The following SLC14A2 variants were observed in gnomAD, a reference collection of about 807,000 sequenced individuals.
SLC14A2 encodes the protein solute carrier family 14 member 2, also known as urea transporter 2.
In SLC14A2, 91 loss-of-function variants were observed where a neutral mutation model predicts 104.6. That is an observed-to-expected ratio of 0.87 (90% CI 0.73 to 1.04). SLC14A2 has a LOEUF of 1.04. Among genes scored for constraint, SLC14A2 ranks in the 50% least tolerant of loss-of-function variants. SLC14A2 has a pLI of 0.00. For synonymous variants in SLC14A2, 476 were observed against 466.4 expected (o/e 1.02, Z -0.27); for missense variants, 1,189 against 1,156.0 (o/e 1.03, Z -0.41).
chr18:45,664,905 C>T (rs2045990651), intron 11 of SLC14A2, among the ~76,000 whole-genome samples: 1 of 152,104 alleles, frequency 6.6e-6, no homozygotes, highest in South Asian at 2.1e-4. Flanking sequence ...TAAATTCCTC[C>T]TAACATCGTC....
chr18:45,618,669 CAAAAAAAAAAAAAAAAA>C (rs60728655), intron 1 of SLC14A2, among the ~76,000 whole-genome samples: 1 of 50,694 alleles, frequency 2.0e-5, no homozygotes, highest in Non-Finnish European at 3.7e-5. Context: ...AACTCTGTCT[CAAAAAAAAAAAAAAAAA>C]AAAAAAAAAA....
chr18:45,285,718 C>A (rs961753210), intron 1 of SLC14A2, among the ~76,000 whole-genome samples: 4 of 151,288 alleles, frequency 2.6e-5, no homozygotes, highest in Non-Finnish European at 5.9e-5. Flanking sequence ...AGCCACTGCG[C>A]CCAGCCGGAG....
At chr18:45,469,897 T>C (rs1029656742) in intron 1 of SLC14A2, among the ~76,000 whole-genome samples, 5 of 152,170 alleles carry the variant, frequency 3.3e-5, no homozygotes, top group African/African-American at 1.2e-4. Context: ...GCAGCAGATA[T>C]GGGGAGCTAT....
At chr18:45,355,353 A>C (rs1317080040) in intron 1 of SLC14A2, among the ~76,000 whole-genome samples, 4 of 152,024 alleles carry the variant, frequency 2.6e-5, no homozygotes, top group Non-Finnish European at 1.5e-5. Context: ...AGGTGGGTGG[A>C]TCACGAGGGC....
chr18:45,436,590 G>A (rs2086600427), intron 1 of SLC14A2: 1 of 152,216 alleles, frequency 6.6e-6, no homozygotes, highest in South Asian at 2.1e-4. Context: ...TGAAAACAGT[G>A]AACTGACCAG....
intron 2 of SLC14A2, among the ~76,000 whole-genome samples, chr18:45,583,914 T>A (rs1448288510): frequency 6.6e-6 from 1 of 152,254 alleles, no homozygotes; most frequent in Non-Finnish European, 1.5e-5. Context: ...GCAAGCCATA[T>A]GTGTAATTTT....
intron 2 of SLC14A2, among the ~76,000 whole-genome samples, chr18:45,609,125 G>T (rs914041065): frequency 1.3e-5 from 2 of 152,126 alleles, no homozygotes; most frequent in African/African-American, 4.8e-5. Context: ...GGGACAAATG[G>T]CTCAGGAGCA....
intron 10 of SLC14A2, among the ~76,000 whole-genome samples, chr18:45,648,412 A>G (rs2045664254): frequency 2.0e-5 from 3 of 151,864 alleles, no homozygotes; most frequent in South Asian, 4.2e-4. Context: ...TCACCGTGTT[A>G]GCCAGGATGG....
At chr18:45,232,385 G>C (rs2084183272) in intron 1 of SLC14A2, among the ~76,000 whole-genome samples, 1 of 152,152 alleles carries the variant, frequency 6.6e-6, no homozygotes, top group South Asian at 2.1e-4. Flanking sequence ...CCATCCCCAT[G>C]ATCCAGTCTC....
At chr18:45,492,965 C>G (rs1317146459) in intron 2 of SLC14A2, 1 of 152,210 alleles carries the variant, frequency 6.6e-6, no homozygotes, top group Admixed American at 6.5e-5. Context: ...GGATTTGGGT[C>G]TTTGAAACTT....
chr18:45,470,880 C>T (rs995470387), intron 1 of SLC14A2, among the ~76,000 whole-genome samples: 2 of 152,118 alleles, frequency 1.3e-5, no homozygotes, highest in African/African-American at 4.8e-5. Flanking sequence ...CCCTTGGCTA[C>T]CTTCTCATTC....
chr18:45,258,679 T>C (rs2084504941), intron 1 of SLC14A2, among the ~76,000 whole-genome samples: 1 of 143,314 alleles, frequency 7.0e-6, no homozygotes, highest in South Asian at 2.3e-4. Flanking sequence ...CTTTTATTCT[T>C]TGTTATAGTA....
At chr18:45,186,777 G>A in the SLC14A2 span, among the ~76,000 whole-genome samples, 1 of 152,212 alleles carries the variant, frequency 6.6e-6, no homozygotes, top group South Asian at 2.1e-4. Flanking sequence ...AATTGTTGAA[G>A]ACTGGGTGTA....
At chr18:45,298,699 G>T (rs1200208375) in intron 1 of SLC14A2, among the ~76,000 whole-genome samples, 5 of 152,120 alleles carry the variant, frequency 3.3e-5, no homozygotes, top group Non-Finnish European at 7.4e-5. Context: ...TATGAAAATG[G>T]AAAGTTAAAT....
At chr18:45,396,417 A>G (rs2086031224) in intron 1 of SLC14A2, among the ~76,000 whole-genome samples, 1 of 152,098 alleles carries the variant, frequency 6.6e-6, no homozygotes, top group Non-Finnish European at 1.5e-5. Flanking sequence ...TCAATCATTT[A>G]CTCAGATACA....
intron 1 of SLC14A2, among the ~76,000 whole-genome samples, chr18:45,461,088 A>G (rs1052128194): frequency 2.8e-4 from 43 of 152,004 alleles, no homozygotes; most frequent in African/African-American, 9.9e-4. Flanking sequence ...TTGCCCCCCA[A>G]AACTCACTCC....
At chr18:45,468,933 T>G (rs768932329) in intron 1 of SLC14A2, among the ~76,000 whole-genome samples, 1 of 152,210 alleles carries the variant, frequency 6.6e-6, no homozygotes, top group African/African-American at 2.4e-5. Context: ...AGATAAAGCA[T>G]GTACAGTAAA....
Position 45,415,208 on chromosome 18 carries a change from T to TG in SLC14A2, c.-124-68025_-124-68024insG, listed in dbSNP as rs200418478. Among the ~76,000 whole-genome samples, 434 of 152,278 alleles carry TG rather than the reference T, an allele frequency of 2.9e-3. 1 individual carries two copies. Among genetic ancestry groups the TG allele is most frequent in the African/African-American group, 0.01 (416 of 41,572 alleles). On this transcript the variant is annotated intron_variant, in intron 1 of 20. Transcript: ENST00000586448. ...GCTGGAAGCCCCCAAGTCTTGTAGT[T>TG]ACTCTTTACTGCAGACTAGTAAAGA...
At chr18:45,681,991 G>C (rs542898432) in intron 19 of SLC14A2, among the ~76,000 whole-genome samples, 26 of 152,320 alleles carry the variant, frequency 1.7e-4, no homozygotes, top group African/African-American at 6.3e-4. Context: ...AGTTCCTAGA[G>C]TTAGAAGTCT....
Sources: allele counts gnomAD v4.1 joint callset (sites outside exome capture counted in the v4.1 genomes callset), GRCh38; gene constraint gnomAD v4.1.1; transcripts MANE v1.5; gene names NCBI Gene and HGNC (gene_info 2026-07-23, HGNC 2026-07-21).